OPCML: variants seen among roughly 807,000 people sequenced by gnomAD.
OPCML encodes opioid binding protein/cell adhesion molecule like.
Under a neutral mutation model 37.8 loss-of-function variants are expected in OPCML, and 13 were observed. That is an observed-to-expected ratio of 0.34 (90% CI 0.22 to 0.55). The LOEUF (loss-of-function observed/expected upper bound fraction) is 0.55, where lower values mean the gene tolerates loss of function less well. Ranked by LOEUF, OPCML falls within the 20% of genes least tolerant of loss-of-function variation. The pLI, the probability that OPCML is intolerant of heterozygous loss-of-function variation, is 0.91. For missense variants in OPCML, 341 were observed against 435.6 expected (o/e 0.78, Z 1.93); for synonymous variants, 176 against 168.8 (o/e 1.04, Z -0.33).
At chr11:133,480,986 T>G (rs903177955) in intron 1 of OPCML, among the ~76,000 whole-genome samples, 1 of 152,254 alleles carries the variant, frequency 6.6e-6, no homozygotes, top group Admixed American at 6.5e-5. Flanking sequence ...CAAAGGCTTT[T>G]GTTCACACTG....
chr11:132,991,589 T>C (rs1001111745), intron 1 of OPCML, among the ~76,000 whole-genome samples: 21 of 152,236 alleles, frequency 1.4e-4, no homozygotes, highest in Non-Finnish European at 2.6e-4. Context: ...TTTGCTTAAT[T>C]TAATTTATTT....
chr11:132,436,109 G>A lies in OPCML; in HGVS notation c.893C>T (p.Thr298Ile). ...ACCATACAATGTGATGCTGGCATTGGTGTTCCCAAGCTTGTTCGTGGCCAC... is the reference window on the plus strand; with the variant it reads ...ACCATACAATGTGATGCTGGCATTGATGTTCCCAAGCTTGTTCGTGGCCAC... The part of the protein sequence containing the change: ...TCVATNKLGN[T>I]NASITLYGPG... Residue 298 changes from threonine (T) to isoleucine (I), a missense_variant, in exon 7 of 8, where the codon ACC becomes ATC. Coordinates refer to ENST00000524381, the MANE Select transcript of OPCML (RefSeq NM_001012393.5). 6.2e-7 allele frequency: 1 copy of A among 1,614,054 alleles called. No homozygotes were observed. Among genetic ancestry groups the A allele is most frequent in the African/African-American group, 1.3e-5 (1 of 75,040 alleles).
At chr11:133,256,593 A>T (rs1440351789) in intron 1 of OPCML, among the ~76,000 whole-genome samples, 1 of 152,170 alleles carries the variant, frequency 6.6e-6, no homozygotes, top group African/African-American at 2.4e-5. Context: ...ATTTTACGTG[A>T]TATGTGGTGG....
At chr11:133,035,053 C>T (rs57745333) in intron 1 of OPCML, among the ~76,000 whole-genome samples, 15,773 of 152,066 alleles carry the variant, frequency 0.1, 1,293 homozygotes, top group East Asian at 0.3. Context: ...ATGCCCCAGG[C>T]GGGAGGAAAG....
At chr11:132,593,110 C>T (rs915195471) in intron 3 of OPCML, among the ~76,000 whole-genome samples, 3 of 152,072 alleles carry the variant, frequency 2.0e-5, no homozygotes, top group African/African-American at 7.2e-5. Flanking sequence ...GAAGTCTGGG[C>T]AAGAAAGTCA....
chr11:133,105,571 A>G (rs538981569), intron 1 of OPCML, among the ~76,000 whole-genome samples: 2 of 152,344 alleles, frequency 1.3e-5, no homozygotes, highest in Middle Eastern at 3.4e-3. Flanking sequence ...AGATGTGAAG[A>G]TACATTCAGA....
At chr11:133,493,938 G>A (rs944213087) in intron 1 of OPCML, among the ~76,000 whole-genome samples, 4 of 151,090 alleles carry the variant, frequency 2.6e-5, no homozygotes, top group Admixed American at 6.6e-5. Flanking sequence ...CACAAAATGG[G>A]AGAAAATTTT....
At chr11:132,688,956 C>A (rs1282426920) in intron 2 of OPCML, among the ~76,000 whole-genome samples, 13 of 14,460 alleles carry the variant, frequency 9.0e-4, no homozygotes, top group East Asian at 4.7e-3. Flanking sequence ...GACTCCGTCT[C>A]AAAAAAAAAA....
chr11:132,880,197 TA>T (rs1359144619), intron 2 of OPCML, among the ~76,000 whole-genome samples: 1 of 152,152 alleles, frequency 6.6e-6, no homozygotes, highest in Non-Finnish European at 1.5e-5. Flanking sequence ...AACATGAAAT[TA>T]AATAATTTTT....
chr11:133,441,549 C>T (rs1946364848), intron 1 of OPCML, among the ~76,000 whole-genome samples: 1 of 152,050 alleles, frequency 6.6e-6, no homozygotes, highest in African/African-American at 2.4e-5. Context: ...TTTATAATTT[C>T]AAAAGGATTA....
intron 1 of OPCML, among the ~76,000 whole-genome samples, chr11:132,983,450 G>T (rs1464458251): frequency 6.6e-6 from 1 of 152,184 alleles, no homozygotes; most frequent in East Asian, 1.9e-4. Context: ...AAGAAGAAAG[G>T]CGCAGCCCTG....
chr11:132,674,027 A>G (rs1942591830), intron 2 of OPCML, among the ~76,000 whole-genome samples: 2 of 152,164 alleles, frequency 1.3e-5, no homozygotes, highest in African/African-American at 4.8e-5. Flanking sequence ...GAAAGCATAT[A>G]GGCAGTGTAT....
chr11:132,549,717 G>A (rs2096377168), intron 3 of OPCML, among the ~76,000 whole-genome samples: 1 of 152,216 alleles, frequency 6.6e-6, no homozygotes, highest in South Asian at 2.1e-4. Context: ...ACTGTAAGAA[G>A]CAGACAAGAT....
chr11:132,688,441 G>C (rs1943256546), intron 2 of OPCML, among the ~76,000 whole-genome samples: 1 of 152,028 alleles, frequency 6.6e-6, no homozygotes, highest in Non-Finnish European at 1.5e-5. Context: ...AGCTTTCCTG[G>C]GCCTCAGTTA....
At chr11:133,413,224 G>T (rs1051563517) in intron 1 of OPCML, among the ~76,000 whole-genome samples, 1 of 151,966 alleles carries the variant, frequency 6.6e-6, no homozygotes, top group Non-Finnish European at 1.5e-5. Context: ...GGAGACCGAG[G>T]GGTAGGAGTT....
intron 2 of OPCML, among the ~76,000 whole-genome samples, chr11:132,818,648 A>G (rs191888487): frequency 0.087 from 15 of 172 alleles, 1 homozygote; most frequent in Admixed American, 0.21. Context: ...ATATGAGTGT[A>G]TATATATATA....
At chr11:132,591,620 TC>T (rs1390013838) in intron 3 of OPCML, among the ~76,000 whole-genome samples, 1 of 152,228 alleles carries the variant, frequency 6.6e-6, no homozygotes, top group Non-Finnish European at 1.5e-5. Flanking sequence ...ACAAGCGAGT[TC>T]ATCTCTCTTT....
At chr11:132,758,934 G>C (rs1193699967) in intron 2 of OPCML, among the ~76,000 whole-genome samples, 3 of 151,988 alleles carry the variant, frequency 2.0e-5, no homozygotes, top group Non-Finnish European at 2.9e-5. Context: ...ATTGGTTGTG[G>C]GTTTGTCATA....
intron 4 of OPCML, among the ~76,000 whole-genome samples, chr11:132,495,315 C>T (rs1360414746): frequency 3.9e-5 from 6 of 152,058 alleles, no homozygotes; most frequent in South Asian, 2.1e-4. Flanking sequence ...AGAATATTAA[C>T]GTTTTAAAAG....
Sources: gnomAD v4.1 joint callset for allele counts (sites outside exome capture counted in the v4.1 genomes callset) on GRCh38, gnomAD v4.1.1 for gene constraint, MANE v1.5 for transcripts, NCBI Gene and HGNC (gene_info 2026-07-23, HGNC 2026-07-21) for gene names.